The following RPS6KC1 variants were observed in gnomAD, a reference collection of about 807,000 sequenced individuals.
The protein encoded by RPS6KC1 is ribosomal protein S6 kinase C1, also known as inactive ribosomal protein S6 kinase delta-1.
A neutral mutation model predicts 103.8 loss-of-function variants in RPS6KC1; 54 were observed. That is an observed-to-expected ratio of 0.52 (90% CI 0.42 to 0.65). RPS6KC1 has a LOEUF of 0.65. Ranked by LOEUF, RPS6KC1 falls within the 30% of genes least tolerant of loss-of-function variation. The pLI is 0.00. For synonymous variants in RPS6KC1, 439 were observed against 438.7 expected, an observed-to-expected ratio of 1.00 and a Z score of -0.01; for missense variants, 1,151 against 1,253.8, an observed-to-expected ratio of 0.92 and a Z score of 1.24.
At chr1:213,080,428 T>G (rs2079763871) in intron 3 of RPS6KC1, among the ~76,000 whole-genome samples, 2 of 152,198 alleles carry the variant, frequency 1.3e-5, no homozygotes, top group Non-Finnish European at 2.9e-5. Context: ...CCTCTTCAGC[T>G]CTCTTCACCA....
At chr1:213,455,645 G>C in the RPS6KC1 span, among the ~76,000 whole-genome samples, 3 of 152,132 alleles carry the variant, frequency 2.0e-5, no homozygotes, top group African/African-American at 7.2e-5. Context: ...ATTATGCAGA[G>C]AGAGTATAGA....
chr1:213,447,015 G>A, the RPS6KC1 span, among the ~76,000 whole-genome samples: 1 of 151,960 alleles, frequency 6.6e-6, no homozygotes, highest in Admixed American at 6.6e-5. Flanking sequence ...TAAGTGAAAA[G>A]AAAGTCCTTT....
chr1:213,255,960 A>G (rs992942667), intron 12 of RPS6KC1, among the ~76,000 whole-genome samples: 1 of 152,240 alleles, frequency 6.6e-6, no homozygotes, highest in African/African-American at 2.4e-5. Flanking sequence ...TCACTGCTTG[A>G]TATAAAGTCA....
chr1:213,392,516 C>T, the RPS6KC1 span, among the ~76,000 whole-genome samples: 4 of 152,178 alleles, frequency 2.6e-5, no homozygotes, highest in Non-Finnish European at 5.9e-5. Context: ...AATCCTTATT[C>T]CCAACTTAGA....
the RPS6KC1 span, among the ~76,000 whole-genome samples, chr1:213,830,581 C>T: frequency 6.6e-5 from 10 of 151,842 alleles, no homozygotes; most frequent in Admixed American, 1.3e-4. Context: ...CCTTACTTGC[C>T]CCTCCACCTT....
chr1:213,465,049 C>T, the RPS6KC1 span, among the ~76,000 whole-genome samples: 2 of 152,078 alleles, frequency 1.3e-5, no homozygotes, highest in African/African-American at 4.8e-5. Context: ...GGTACAAAGG[C>T]CTTACCTCCA....
chr1:213,616,548 A>T, the RPS6KC1 span, among the ~76,000 whole-genome samples: 1 of 152,230 alleles, frequency 6.6e-6, no homozygotes, highest in Admixed American at 6.5e-5. Flanking sequence ...ATGGTGGTAC[A>T]TTCCTGTAAT....
chr1:213,334,930 T>C, the RPS6KC1 span, among the ~76,000 whole-genome samples: 1 of 152,230 alleles, frequency 6.6e-6, no homozygotes, highest in South Asian at 2.1e-4. Flanking sequence ...AGGTGTTGGA[T>C]GGATGTCTGC....
chr1:213,195,338 T>G (rs961643557), intron 8 of RPS6KC1, among the ~76,000 whole-genome samples: 5 of 152,216 alleles, frequency 3.3e-5, no homozygotes, highest in Non-Finnish European at 5.9e-5. Context: ...ATGTAGCCCT[T>G]AGAGAAAACT....
chr1:213,389,556 C>T, the RPS6KC1 span, among the ~76,000 whole-genome samples: 1 of 152,238 alleles, frequency 6.6e-6, no homozygotes, highest in Admixed American at 6.5e-5. Flanking sequence ...CGCGTGCACA[C>T]TGATGGCGGC....
chr1:213,598,017 G>A, the RPS6KC1 span, among the ~76,000 whole-genome samples: 1 of 152,152 alleles, frequency 6.6e-6, no homozygotes, highest in African/African-American at 2.4e-5. Flanking sequence ...CTTGTCTCGA[G>A]GTATTAGGTT....
At position 213,271,763 on chromosome 1, in the gene RPS6KC1, C is replaced by CAAA. The variant is rs58938920; in HGVS notation, c.3091-743_3091-741dup. 2.0e-4 allele frequency among the ~76,000 whole-genome samples: 23 copies of CAAA among 114,540 alleles called. No homozygotes were observed. The South Asian group carries it at 3.2e-3, about 16-fold the overall frequency. The allele number at this position is 114,540 out of a possible 152,430, so 75.1% of individuals were successfully genotyped here. On this transcript the variant is annotated intron_variant, in intron 14 of 14. Transcript: ENST00000366960. ...TGGGCGACAGAGCGAAACTCCGTCT[C>CAAA]AAAAAAAAAAAAAAAAAAAATGTTC...
chr1:213,653,660 A>G, the RPS6KC1 span, among the ~76,000 whole-genome samples: 3 of 152,178 alleles, frequency 2.0e-5, no homozygotes, highest in Non-Finnish European at 4.4e-5. Context: ...GATCATATCT[A>G]TCTCTCCCCT....
At chr1:213,430,636 T>TG in the RPS6KC1 span, among the ~76,000 whole-genome samples, 7 of 152,212 alleles carry the variant, frequency 4.6e-5, no homozygotes, top group African/African-American at 1.7e-4. Flanking sequence ...GTCCAGTCTG[T>TG]ATTTTTTTTT....
chr1:213,664,192 C>CCGGGGG, the RPS6KC1 span, among the ~76,000 whole-genome samples: 1 of 29,858 alleles, frequency 3.3e-5, no homozygotes, highest in African/African-American at 1.9e-4. Flanking sequence ...AAGAAATGAG[C>CCGGGGG]GGGGGGGCGG....
intron 12 of RPS6KC1, among the ~76,000 whole-genome samples, chr1:213,253,041 C>T (rs2094572377): frequency 6.6e-6 from 1 of 152,026 alleles, no homozygotes; most frequent in African/African-American, 2.4e-5. Context: ...TTTAAAAAAG[C>T]CTAGTTAAGA....
the RPS6KC1 span, among the ~76,000 whole-genome samples, chr1:213,824,016 C>G: frequency 6.6e-6 from 1 of 152,148 alleles, no homozygotes; most frequent in Non-Finnish European, 1.5e-5. Flanking sequence ...AGGATAAGGT[C>G]TCTAGCGATG....
the RPS6KC1 span, among the ~76,000 whole-genome samples, chr1:213,539,236 C>T: frequency 3.3e-5 from 5 of 152,164 alleles, no homozygotes; most frequent in Non-Finnish European, 5.9e-5. Context: ...AAGTCAGCGA[C>T]CAGAGAAAAC....
chr1:213,229,715 A>G lies in RPS6KC1; in HGVS notation c.1045-782A>G, dbSNP rs950952913. On this transcript the variant is annotated intron_variant, in intron 8 of 14. Coordinates refer to ENST00000366960, the MANE Select transcript of RPS6KC1 (RefSeq NM_012424.6). ...TGGGAATGAGTAGTTTAGGGGGGCA[A>G]TGTGTGAGAGGTTATGAAGGGTCTT... Among the ~76,000 whole-genome samples the G allele has an allele frequency of 3.9e-5, 6 of 152,152 alleles. No individual in the cohort carries two copies. In the South Asian group the frequency reaches 6.2e-4, roughly 16 times the overall value.
Sources: allele counts gnomAD v4.1 joint callset (sites outside exome capture counted in the v4.1 genomes callset), GRCh38; gene constraint gnomAD v4.1.1; transcripts MANE v1.5; gene names NCBI Gene and HGNC (gene_info 2026-07-23, HGNC 2026-07-21).